DTNBP1: variants seen among roughly 807,000 people sequenced by gnomAD.
DTNBP1 encodes dystrobrevin binding protein 1, also known as dysbindin.
In DTNBP1, 35 loss-of-function variants were observed where a neutral mutation model predicts 42.8. The ratio of observed to expected loss-of-function variants is 0.82; its 90% CI spans 0.63 to 1.09. The LOEUF (loss-of-function observed/expected upper bound fraction) is 1.09, where lower values mean the gene tolerates loss of function less well. Ranked by LOEUF, DTNBP1 falls within the 50% of genes least tolerant of loss-of-function variation. The pLI, the probability that DTNBP1 is intolerant of heterozygous loss-of-function variation, is 0.00. For missense variants in DTNBP1, 457 were observed against 424.2 expected (o/e 1.08, Z -0.68); for synonymous variants, 171 against 162.2 (o/e 1.05, Z -0.41).
intron 7 of DTNBP1, among the ~76,000 whole-genome samples, chr6:15,583,466 C>T (rs1775925226): frequency 6.6e-6 from 1 of 152,130 alleles, no homozygotes; most frequent in South Asian, 2.1e-4. Context: ...CAGTTGCCTT[C>T]AACAGTTTAA....
intron 7 of DTNBP1, among the ~76,000 whole-genome samples, chr6:15,571,749 G>A (rs879341525): frequency 6.6e-5 from 10 of 152,090 alleles, no homozygotes. Flanking sequence ...AACTTCCTGG[G>A]GGCTAGACAC....
chr6:15,564,214 C>T (rs746211332), intron 7 of DTNBP1, among the ~76,000 whole-genome samples: 3 of 151,982 alleles, frequency 2.0e-5, no homozygotes, highest in African/African-American at 4.8e-5. Context: ...CCATGTGCAT[C>T]GGGCAAGGAA....
At position 15,637,672 on chromosome 6, in the gene DTNBP1, A is replaced by AT; in HGVS notation, c.222+71dup. 5 of 1,502,836 alleles carry AT rather than the reference A, an allele frequency of 3.3e-6. No homozygotes were observed. In the South Asian group the frequency reaches 3.4e-5, roughly 10 times the overall value. 93.1% of individuals were successfully genotyped at this position (1,502,836 alleles called of 1,614,324 possible). A position where few individuals can be genotyped will look rare whatever the true frequency, so the allele number is the denominator to read the frequency against. The stretch of plus-strand genomic sequence containing the variant: ...TTTGACACAAACAATTATAAATTCA[A>AT]TTTTTAAAAAATACCATTTAGCACT... On this transcript the variant is annotated intron_variant, in intron 4 of 9. Transcript: ENST00000344537.
At chr6:15,591,173 A>C (rs997546594) in intron 7 of DTNBP1, among the ~76,000 whole-genome samples, 1 of 150,352 alleles carries the variant, frequency 6.7e-6, no homozygotes, top group African/African-American at 2.5e-5. Flanking sequence ...GCAGTGGCAT[A>C]ATCTTGGCTC....
intron 8 of DTNBP1, among the ~76,000 whole-genome samples, chr6:15,530,242 C>G (rs1006001018): frequency 6.6e-6 from 1 of 152,196 alleles, no homozygotes; most frequent in Non-Finnish European, 1.5e-5. Flanking sequence ...TGTGGCTCAT[C>G]AGGCTGGGAA....
chr6:15,660,453 T>C (rs532051420), intron 1 of DTNBP1: 1 of 1,289,788 alleles, frequency 7.8e-7, no homozygotes, highest in South Asian at 1.2e-5. Context: ...GGAGATGAGT[T>C]GTTTCTCCAC....
Position 15,524,651 on chromosome 6 carries a change from G to T in DTNBP1, c.686C>A (p.Ser229Ter). ...AERREPIGSMSSMEVNVDMLE... is the reference protein window; with the variant it reads ...AERREPIGSM ...CATGTCCACGTTCACTTCCATGGAT[G>T]ACATGCTGCCTATGGGCTCTGCGGA... is the stretch of plus-strand genomic sequence containing the variant. The change falls in exon 9 of 10, where the codon TCA becomes TAA. Residue 229 changes from serine (S) to a stop codon, truncating the protein, a stop_gained. Coordinates refer to ENST00000344537, the MANE Select transcript of DTNBP1 (RefSeq NM_032122.5). LOFTEE classifies it high-confidence loss of function. The T allele has an allele frequency of 6.2e-7, 1 of 1,613,442 alleles. No individual in the cohort carries two copies. Among genetic ancestry groups the T allele is most frequent in the South Asian group, 1.1e-5 (1 of 91,066 alleles).
Position 15,613,357 on chromosome 6 carries a change from ATTTTTTTTTTT to A in DTNBP1, c.488+1899_488+1909del, listed in dbSNP as rs1184227291. ...ATGCCCCTTTTTTGACACGGACCCC[ATTTTTTTTTTT>A]TTTTTTTTTTTTTTTTGAGACGGAG... On this transcript the variant is annotated intron_variant, in intron 6 of 9. Transcript: ENST00000344537. 1.6e-4 allele frequency among the ~76,000 whole-genome samples: 4 copies of A among 24,306 alleles called. 1 individual carries two copies. The highest frequency in any genetic ancestry group is 2.4e-4 in the Non-Finnish European group (3 of 12,764). The allele number at this position is 24,306 out of a possible 152,430, so 15.9% of individuals were successfully genotyped here. A position where few individuals can be genotyped will look rare whatever the true frequency, so the allele number is the denominator to read the frequency against.
rs779484359 is a variant in DTNBP1, at chr6:15,524,324, GAGA to G, written c.811+199_811+201del. 33 of 1,611,536 alleles carry G rather than the reference GAGA, an allele frequency of 2.0e-5. No homozygotes were observed. In the African/African-American group the frequency reaches 2.7e-4, roughly 13 times the overall value. On this transcript the variant is annotated intron_variant, in intron 9 of 9. Coordinates refer to ENST00000344537, the MANE Select transcript of DTNBP1 (RefSeq NM_032122.5). ...CCGGAGTGGAGCATGTCAAATCTTT[GAGA>G]AGAATTCATGACGGAACCACACCAC...
chr6:15,650,987 T>C (rs1409109713), intron 3 of DTNBP1, among the ~76,000 whole-genome samples: 1 of 152,074 alleles, frequency 6.6e-6, no homozygotes, highest in East Asian at 1.9e-4. Flanking sequence ...GGAAAAGAAA[T>C]GACATAAGAA....
intron 7 of DTNBP1, among the ~76,000 whole-genome samples, chr6:15,550,580 A>C (rs1485390810): frequency 6.6e-6 from 1 of 152,234 alleles, no homozygotes. Flanking sequence ...AGCATGCTTG[A>C]AAGCTGATCA....
intron 7 of DTNBP1, among the ~76,000 whole-genome samples, chr6:15,573,075 A>G (rs1300100680): frequency 6.6e-6 from 1 of 152,154 alleles, no homozygotes; most frequent in Non-Finnish European, 1.5e-5. Context: ...ATATGTACAC[A>G]TATATTTGGG....
intron 3 of DTNBP1, among the ~76,000 whole-genome samples, chr6:15,648,220 T>TA (rs1177876302): frequency 6.6e-6 from 1 of 152,106 alleles, no homozygotes; most frequent in East Asian, 1.9e-4. Flanking sequence ...CCTTTCATGA[T>TA]AAAAACACTA....
chr6:15,643,291 T>C (rs1343796508), intron 3 of DTNBP1, among the ~76,000 whole-genome samples: 5 of 152,104 alleles, frequency 3.3e-5, no homozygotes, highest in East Asian at 1.9e-4. Context: ...TCAAGAAATA[T>C]GGGATTATGT....
intron 3 of DTNBP1, among the ~76,000 whole-genome samples, chr6:15,645,692 A>G (rs747875477): frequency 6.6e-5 from 10 of 151,928 alleles, no homozygotes; most frequent in Non-Finnish European, 1.3e-4. Context: ...AAAATAACAT[A>G]ATCTTCTCAA....
At chr6:15,528,664 A>C (rs1185049057) in intron 8 of DTNBP1, among the ~76,000 whole-genome samples, 4 of 152,240 alleles carry the variant, frequency 2.6e-5, no homozygotes, top group African/African-American at 9.6e-5. Context: ...CAGAATGTGC[A>C]TATGTGGCTG....
intron 7 of DTNBP1, among the ~76,000 whole-genome samples, chr6:15,549,253 G>A (rs373967714): frequency 1.6e-4 from 25 of 152,260 alleles, no homozygotes; most frequent in Non-Finnish European, 1.2e-4. Context: ...TTGGGAGGCC[G>A]AGGCAGGCAG....
chr6:15,642,550 T>G (rs553082409), intron 3 of DTNBP1, among the ~76,000 whole-genome samples: 1 of 152,152 alleles, frequency 6.6e-6, no homozygotes, highest in South Asian at 2.1e-4. Context: ...AAAAATCTGC[T>G]AAAAAAGGGC....
chr6:15,648,170 C>T (rs1760788544), intron 3 of DTNBP1, among the ~76,000 whole-genome samples: 1 of 151,964 alleles, frequency 6.6e-6, no homozygotes, highest in African/African-American at 2.4e-5. Flanking sequence ...ACATGGTCAT[C>T]CTAATTCATG....
Sources: gnomAD v4.1 joint callset for allele counts (sites outside exome capture counted in the v4.1 genomes callset) on GRCh38, gnomAD v4.1.1 for gene constraint, MANE v1.5 for transcripts, NCBI Gene and HGNC (gene_info 2026-07-23, HGNC 2026-07-21) for gene names.